FHIP1A: variants seen among roughly 807,000 people sequenced by gnomAD.
FHIP1A encodes FHF complex subunit HOOK-interacting protein 1A.
In FHIP1A, 61 loss-of-function variants were observed where a neutral mutation model predicts 88.6. The ratio of observed to expected loss-of-function variants is 0.69; its 90% CI spans 0.56 to 0.85. The LOEUF (loss-of-function observed/expected upper bound fraction) is 0.85, where lower values mean the gene tolerates loss of function less well. Among genes scored for constraint, FHIP1A ranks in the 40% least tolerant of loss-of-function variants. FHIP1A has a pLI of 0.00. For missense variants in FHIP1A, 1,154 were observed against 1,273.5 expected, an observed-to-expected ratio of 0.91 and a Z score of 1.43; for synonymous variants, 478 against 496.0, an observed-to-expected ratio of 0.96 and a Z score of 0.48.
intron 7 of FHIP1A, among the ~76,000 whole-genome samples, chr4:151,619,670 T>A (rs116075758): frequency 0.013 from 1,915 of 152,362 alleles, 39 homozygotes; most frequent in African/African-American, 0.044. Context: ...CATTCATTTG[T>A]TAATTATTTC....
At chr4:151,445,816 C>A (rs1255690619) in intron 1 of FHIP1A, among the ~76,000 whole-genome samples, 2 of 137,196 alleles carry the variant, frequency 1.5e-5, no homozygotes, top group Admixed American at 7.7e-5. Flanking sequence ...GATCACACCT[C>A]TGCACGCCAG....
chr4:151,643,094 T>C (rs944836296), intron 9 of FHIP1A, among the ~76,000 whole-genome samples: 3 of 151,946 alleles, frequency 2.0e-5, no homozygotes, highest in Non-Finnish European at 4.4e-5. Context: ...GATAGTTTGA[T>C]GATAAATACC....
chr4:151,549,489 T>TAAAAAAAAA (rs57072592), intron 3 of FHIP1A, among the ~76,000 whole-genome samples: 1 of 112,720 alleles, frequency 8.9e-6, no homozygotes, highest in East Asian at 2.6e-4. Flanking sequence ...AGACTCTGTC[T>TAAAAAAAAA]AAAAAAAAAA....
At chr4:151,634,264 G>C (rs1478071390) in intron 8 of FHIP1A, among the ~76,000 whole-genome samples, 2 of 151,644 alleles carry the variant, frequency 1.3e-5, no homozygotes, top group African/African-American at 4.8e-5. Context: ...AGAAATGAAA[G>C]AAGAACAAAT....
intron 7 of FHIP1A, among the ~76,000 whole-genome samples, chr4:151,626,755 G>A (rs1490041531): frequency 6.6e-6 from 1 of 152,174 alleles, no homozygotes; most frequent in Non-Finnish European, 1.5e-5. Context: ...CTAAGACAGA[G>A]GTCTTACTTA....
intron 1 of FHIP1A, among the ~76,000 whole-genome samples, chr4:151,421,982 A>C (rs571159307): frequency 6.6e-6 from 1 of 152,072 alleles, no homozygotes; most frequent in East Asian, 1.9e-4. Context: ...ATCTTGTTCT[A>C]CTAGGGGATG....
chr4:151,475,279 A>T (rs1273516782), intron 2 of FHIP1A, among the ~76,000 whole-genome samples: 3 of 152,190 alleles, frequency 2.0e-5, no homozygotes, highest in Non-Finnish European at 2.9e-5. Context: ...GCTTCAATTC[A>T]TGGGGAAATG....
At chr4:151,421,926 G>A (rs1733184762) in intron 1 of FHIP1A, among the ~76,000 whole-genome samples, 1 of 152,010 alleles carries the variant, frequency 6.6e-6, no homozygotes, top group African/African-American at 2.4e-5. Flanking sequence ...GACAGTGATG[G>A]TACTCTTTAG....
chr4:151,509,818 T>TC (rs1474348088), intron 3 of FHIP1A, among the ~76,000 whole-genome samples: 2 of 151,694 alleles, frequency 1.3e-5, no homozygotes, highest in Non-Finnish European at 2.9e-5. Context: ...GAAATTAATT[T>TC]CCCCCCACGA....
intron 7 of FHIP1A, among the ~76,000 whole-genome samples, chr4:151,589,940 A>G (rs1647722834): frequency 6.6e-6 from 1 of 152,182 alleles, no homozygotes; most frequent in African/African-American, 2.4e-5. Context: ...TGTGGTTTAA[A>G]CATAAAAATA....
rs1737707527 is a variant in FHIP1A at position 151,667,502 on chromosome 4, A to T, written c.*4748A>T. Among the ~76,000 whole-genome samples, 1 of 152,220 alleles carries T rather than the reference A, an allele frequency of 6.6e-6. No homozygotes were observed. The highest frequency in any genetic ancestry group is 6.5e-5 in the Admixed American group (1 of 15,284). On this transcript the variant is annotated 3_prime_UTR_variant, in exon 14 of 14. Transcript: ENST00000435205. ...GCCTCAGTAAATCCTCTCTACATTCAGGCATTTATTAGGCCATTACTTGTT... is the reference window on the plus strand; with the variant it reads ...GCCTCAGTAAATCCTCTCTACATTCTGGCATTTATTAGGCCATTACTTGTT...
intron 3 of FHIP1A, among the ~76,000 whole-genome samples, chr4:151,510,904 A>G (rs1226982352): frequency 2.6e-5 from 4 of 152,336 alleles, no homozygotes; most frequent in South Asian, 2.1e-4. Context: ...TGACTGTCCC[A>G]TATGTGACAG....
At chr4:151,606,885 TAAG>T (rs1351436275) in intron 7 of FHIP1A, among the ~76,000 whole-genome samples, 1 of 152,208 alleles carries the variant, frequency 6.6e-6, no homozygotes, top group African/African-American at 2.4e-5. Flanking sequence ...GCTGGTCTGG[TAAG>T]AAGTTAGGGG....
intron 11 of FHIP1A, among the ~76,000 whole-genome samples, chr4:151,652,512 A>G (rs1045109656): frequency 1.3e-5 from 2 of 152,244 alleles, no homozygotes; most frequent in Admixed American, 6.5e-5. Context: ...GCAATCTTTT[A>G]TTGATCCCCT....
In FHIP1A at chr4:151,627,419, G is replaced by A. The variant is rs540804746; in HGVS notation, c.979-2283G>A. Among the ~76,000 whole-genome samples the A allele has an allele frequency of 4.6e-5, 7 of 152,274 alleles. No homozygotes were observed. In the East Asian group the frequency reaches 1.4e-3, roughly 29 times the overall value. On this transcript the variant is annotated intron_variant, in intron 7 of 13. Coordinates refer to ENST00000435205, the MANE Select transcript of FHIP1A (RefSeq NM_001109977.3). ...TTACTAAGGTCATGTGTAACTTAAGGGGGGAAAAGCTGATGCTACATTATT... is the reference window on the plus strand; with the variant it reads ...TTACTAAGGTCATGTGTAACTTAAGAGGGGAAAAGCTGATGCTACATTATT...
chr4:151,440,532 A>G (rs186205584), intron 1 of FHIP1A, among the ~76,000 whole-genome samples: 2 of 152,236 alleles, frequency 1.3e-5, no homozygotes, highest in Middle Eastern at 3.4e-3. Flanking sequence ...CACTACCTCC[A>G]TGTTGTCAAG....
At chr4:151,435,121 A>G (rs188851219) in intron 1 of FHIP1A, among the ~76,000 whole-genome samples, 4 of 152,154 alleles carry the variant, frequency 2.6e-5, no homozygotes, top group African/African-American at 7.2e-5. Context: ...GAACATTCCA[A>G]TTCTTCTAGT....
intron 1 of FHIP1A, among the ~76,000 whole-genome samples, chr4:151,427,155 A>T (rs533408500): frequency 2.6e-5 from 4 of 152,180 alleles, no homozygotes; most frequent in Non-Finnish European, 5.9e-5. Flanking sequence ...AACAATTCAT[A>T]TGCAGGATCT....
intron 3 of FHIP1A, among the ~76,000 whole-genome samples, chr4:151,507,645 G>A (rs1004897701): frequency 2.0e-5 from 3 of 151,954 alleles, no homozygotes; most frequent in African/African-American, 7.2e-5. Context: ...TGCTTTCTTG[G>A]CTATTAAGTG....
Sources: allele counts gnomAD v4.1 joint callset (sites outside exome capture counted in the v4.1 genomes callset), GRCh38; gene constraint gnomAD v4.1.1; transcripts MANE v1.5; gene names NCBI Gene and HGNC (gene_info 2026-07-23, HGNC 2026-07-21).